Variants in TTC28 observed in about 807,000 individuals in gnomAD.
TTC28 encodes tetratricopeptide repeat protein 28.
Under a neutral mutation model 198.0 loss-of-function variants are expected in TTC28, and 61 were observed. That is an observed-to-expected ratio of 0.31 (90% CI 0.25 to 0.38). The LOEUF (loss-of-function observed/expected upper bound fraction) is 0.38. Among genes scored for constraint, TTC28 ranks in the 10% least tolerant of loss-of-function variants. TTC28 has a pLI of 1.00. For synonymous variants in TTC28, 1,171 were observed against 1,297.8 expected (o/e 0.90, Z 2.10); for missense variants, 2,678 against 3,164.0 (o/e 0.85, Z 3.69).
At chr22:28,515,156 T>C (rs947607880) in intron 2 of TTC28, among the ~76,000 whole-genome samples, 3 of 152,134 alleles carry the variant, frequency 2.0e-5, no homozygotes, top group Admixed American at 1.3e-4. Context: ...TTTAAATCAA[T>C]TATGAAATAA....
At chr22:28,165,168 T>C (rs1284079965) in intron 5 of TTC28, among the ~76,000 whole-genome samples, 1 of 152,170 alleles carries the variant, frequency 6.6e-6, no homozygotes, top group African/African-American at 2.4e-5. Flanking sequence ...CCAAGAAATA[T>C]GGGACTATGT....
At chr22:28,563,613 C>G (rs754841902) in intron 2 of TTC28, among the ~76,000 whole-genome samples, 1 of 152,180 alleles carries the variant, frequency 6.6e-6, no homozygotes, top group Non-Finnish European at 1.5e-5. Context: ...TACCACCTTA[C>G]ACCTACTAGA....
chr22:28,600,578 A>T (rs2050624026), intron 2 of TTC28, among the ~76,000 whole-genome samples: 1 of 152,236 alleles, frequency 6.6e-6, no homozygotes, highest in Admixed American at 6.5e-5. Flanking sequence ...GACTCTTAAA[A>T]TAATGAGATT....
rs1274162027 is a variant in TTC28 at position 28,546,703 on chromosome 22, A to C, written c.381+82849T>G. ...GCAGTGTTATTCATAATACTAAAAA[A>C]TAAAACTAACTCAAAGGTCCATCAA... On this transcript the variant is annotated intron_variant, in intron 2 of 22. Coordinates refer to ENST00000397906, the MANE Select transcript of TTC28 (RefSeq NM_001145418.2). 1.0e-3 allele frequency among the ~76,000 whole-genome samples: 154 copies of C among 152,326 alleles called. 1 individual carries two copies. Among genetic ancestry groups the C allele is most frequent in the Non-Finnish European group, 1.6e-4 (11 of 68,036 alleles).
At chr22:28,171,856 T>C (rs1243442920) in intron 5 of TTC28, among the ~76,000 whole-genome samples, 3 of 152,174 alleles carry the variant, frequency 2.0e-5, no homozygotes, top group Admixed American at 6.5e-5. Flanking sequence ...GTCACTTGGT[T>C]GTGTACTGGC....
chr22:28,041,554 C>T (rs1348091895), intron 12 of TTC28, among the ~76,000 whole-genome samples: 2 of 152,166 alleles, frequency 1.3e-5, no homozygotes, highest in African/African-American at 4.8e-5. Flanking sequence ...AACTGGATCC[C>T]TTCCTTACAC....
At chr22:28,104,636 A>G (rs923632746) in intron 8 of TTC28, among the ~76,000 whole-genome samples, 1 of 152,148 alleles carries the variant, frequency 6.6e-6, no homozygotes, top group African/African-American at 2.4e-5. Flanking sequence ...TCCAAGGTCC[A>G]ACTGTGCAGC....
At position 27,982,724 on chromosome 22, in the gene TTC28, G is replaced by A; in HGVS notation, c.6943C>T (p.Pro2315Ser). ...NMSPSSGHQS[P>S]AGSAPSPALS... is the part of the protein sequence containing the mutation. ...GCTGGGGAGGGTGCACTGCCAGCAG[G>A]AGACTGGTGGCCGGAGCTTGGGGAC... The change falls in exon 23 of 23, where the codon CCT becomes TCT. Residue 2315 changes from proline (P) to serine (S), a missense_variant. This residue lies in a region of TTC28 where 622 missense variants were observed against 656.0 expected (regional missense o/e 0.95). Coordinates refer to ENST00000397906, the MANE Select transcript of TTC28 (RefSeq NM_001145418.2). The surrounding 1 kb of genome is among the most constrained non-coding windows in gnomAD (Gnocchi z 5.2). The A allele has an allele frequency of 3.9e-6, 6 of 1,551,690 alleles. No individual in the cohort carries two copies. The highest frequency in any genetic ancestry group is 2.4e-5 in the East Asian group (1 of 40,886).
In TTC28 at chr22:28,014,300, G is replaced by T. The variant is rs1938273752; in HGVS notation, c.4166C>A (p.Ala1389Asp). Residue 1389 changes from alanine (A) to aspartate (D), a missense_variant, in exon 14 of 23, where the codon GCC (alanine) becomes GAC (aspartate). Ala to Asp is a moderately radical substitution (Grantham distance 126). Transcript: ENST00000397906. ...SSLPRRQSSF[A>D]KPPLRALYDL... ...ATACAGGGCACGGAGCGGGGGCTTG[G>T]CAAACGAGCTCTGCCTCCTGGGAAG... 1 of 1,551,552 alleles carries T rather than the reference G, an allele frequency of 6.4e-7. No individual in the cohort carries two copies. The highest frequency in any genetic ancestry group is 8.7e-7 in the Non-Finnish European group (1 of 1,146,988).
At chr22:28,111,656 G>A (rs1228824183) in intron 6 of TTC28, among the ~76,000 whole-genome samples, 2 of 152,126 alleles carry the variant, frequency 1.3e-5, no homozygotes, top group Admixed American at 1.3e-4. Context: ...GCCGGAGCTG[G>A]GGAGGGCAGT....
chr22:28,284,362 A>T (rs1393168260), intron 5 of TTC28, among the ~76,000 whole-genome samples: 1 of 152,206 alleles, frequency 6.6e-6, no homozygotes. Context: ...ACAGTTTGTC[A>T]ATCAAGTTGA....
intron 2 of TTC28, among the ~76,000 whole-genome samples, chr22:28,571,601 T>A (rs1413889369): frequency 6.6e-6 from 1 of 152,146 alleles, no homozygotes; most frequent in Non-Finnish European, 1.5e-5. Context: ...AGCAGGATAA[T>A]CTGAAACAAA....
At position 28,105,702 on chromosome 22, in the gene TTC28, C is replaced by T; in HGVS notation, c.2884G>A (p.Glu962Lys). Reference sequence around the variant, plus strand: ...AATTGGCTGTGCAGACTTCCCAGCTCTCCATAGGCCTGGGCTTTATTGAAG... The same window carrying T: ...AATTGGCTGTGCAGACTTCCCAGCTTTCCATAGGCCTGGGCTTTATTGAAG... ...EAFNKAQAYG[E>K]LGSLHSQLGN... is the part of the protein sequence containing the mutation. Residue 962 changes from glutamate to lysine, a missense_variant, in exon 8 of 23, where the codon GAG becomes AAG. By Grantham distance (56) the Glu-to-Lys change is moderately conservative. Around this residue, in one of 8 missense-constraint regions of TTC28, gnomAD observed 727 missense variants for 861.9 expected, o/e 0.84. Coordinates refer to ENST00000397906, the MANE Select transcript of TTC28 (RefSeq NM_001145418.2). 6.4e-7 allele frequency: 1 copy of T among 1,551,828 alleles called. No individual in the cohort carries two copies. The highest frequency in any genetic ancestry group is 8.7e-7 in the Non-Finnish European group (1 of 1,147,026).
At chr22:28,160,132 GAC>G (rs1921004193) in intron 6 of TTC28, among the ~76,000 whole-genome samples, 1 of 152,150 alleles carries the variant, frequency 6.6e-6, no homozygotes, top group Non-Finnish European at 1.5e-5. Flanking sequence ...GGATGAAGAA[GAC>G]CTACTATTTG....
At chr22:28,110,206 C>T (rs1288849845) in intron 6 of TTC28, among the ~76,000 whole-genome samples, 1 of 152,178 alleles carries the variant, frequency 6.6e-6, no homozygotes, top group Admixed American at 6.5e-5. Flanking sequence ...GTCCTGACTC[C>T]TCCCTTGCAT....
intron 1 of TTC28, among the ~76,000 whole-genome samples, chr22:28,657,985 A>T (rs915817064): frequency 6.6e-6 from 1 of 152,218 alleles, no homozygotes; most frequent in Non-Finnish European, 1.5e-5. Context: ...CCTTACATTA[A>T]AACTTTGCAT....
intron 2 of TTC28, among the ~76,000 whole-genome samples, chr22:28,442,546 C>A (rs112771923): frequency 2.0e-5 from 3 of 152,382 alleles, no homozygotes; most frequent in African/African-American, 7.2e-5. Flanking sequence ...CCGCCCCACG[C>A]CCCGCCATGG....
At chr22:28,032,679 C>T (rs1020540084) in intron 12 of TTC28, among the ~76,000 whole-genome samples, 20 of 152,060 alleles carry the variant, frequency 1.3e-4, no homozygotes, top group Middle Eastern at 3.2e-3. Flanking sequence ...CTAAAGAGTA[C>T]TAGGTGGTAG....
chr22:28,330,865 T>C (rs914155547), intron 2 of TTC28, among the ~76,000 whole-genome samples: 1 of 152,208 alleles, frequency 6.6e-6, no homozygotes, highest in Non-Finnish European at 1.5e-5. Context: ...CAAGTGCATG[T>C]AAAAATTTAA....
Sources: gnomAD v4.1 joint callset for allele counts (sites outside exome capture counted in the v4.1 genomes callset) on GRCh38, gnomAD v4.1.1 for gene constraint, gnomAD v4.1.1 regional missense constraint, Gnocchi (gnomAD v3.1) non-coding constraint, MANE v1.5 for transcripts, NCBI Gene and HGNC (gene_info 2026-07-23, HGNC 2026-07-21) for gene names.